The following EYS variants were observed in gnomAD, a reference collection of about 807,000 sequenced individuals.
The protein encoded by EYS is EGF-like photoreceptor maintenance factor, also known as protein eyes shut homolog.
EYS carries 250 observed loss-of-function variants against 282.1 expected under a neutral mutation model. That is an observed-to-expected ratio of 0.89 (90% CI 0.80 to 0.98). The LOEUF is 0.98. Ranked by LOEUF, EYS falls within the 50% of genes least tolerant of loss-of-function variation. The probability of loss-of-function intolerance (pLI) is 0.00; values close to 1 mark genes in which losing one functional copy is unlikely to be tolerated. For missense variants in EYS, 4,016 were observed against 3,709.0 expected, an observed-to-expected ratio of 1.08 and a Z score of -2.15; for synonymous variants, 1,355 against 1,282.9, an observed-to-expected ratio of 1.06 and a Z score of -1.20.
chr6:64,728,294 A>C (rs1168667116), intron 22 of EYS, among the ~76,000 whole-genome samples: 1 of 152,082 alleles, frequency 6.6e-6, no homozygotes, highest in African/African-American at 2.4e-5. Context: ...AATAAATACT[A>C]ATAGCTTTAA....
intron 12 of EYS, among the ~76,000 whole-genome samples, chr6:65,117,268 C>T (rs1387958006): frequency 2.6e-5 from 4 of 152,132 alleles, no homozygotes; most frequent in African/African-American, 9.7e-5. Context: ...GAACTCTTTC[C>T]AACATGATCC....
intron 26 of EYS, among the ~76,000 whole-genome samples, chr6:64,506,269 G>C (rs1156953399): frequency 6.6e-6 from 1 of 152,068 alleles, no homozygotes; most frequent in Non-Finnish European, 1.5e-5. Context: ...CATTATGAAA[G>C]AGACATATAT....
intron 23 of EYS, among the ~76,000 whole-genome samples, chr6:64,619,339 C>T (rs993057768): frequency 1.9e-4 from 29 of 152,116 alleles, no homozygotes; most frequent in African/African-American, 6.8e-4. Flanking sequence ...AGAAAAATTG[C>T]ACTGGGCCAG....
At chr6:65,328,676 A>C (rs1769691673) in intron 11 of EYS, among the ~76,000 whole-genome samples, 1 of 151,112 alleles carries the variant, frequency 6.6e-6, no homozygotes, top group African/African-American at 2.4e-5. Flanking sequence ...ATAGAAAGTA[A>C]AAAGCAGAAG....
intron 13 of EYS, among the ~76,000 whole-genome samples, chr6:65,055,050 T>A (rs959927461): frequency 2.0e-5 from 3 of 152,042 alleles, no homozygotes; most frequent in Non-Finnish European, 4.4e-5. Flanking sequence ...GGCACAATAA[T>A]AATTCACAGA....
At chr6:63,740,952 C>T (rs1037997791) in intron 41 of EYS, among the ~76,000 whole-genome samples, 1 of 152,112 alleles carries the variant, frequency 6.6e-6, no homozygotes. Flanking sequence ...GGGAAAGGTC[C>T]AGGGTTTTCA....
intron 30 of EYS, among the ~76,000 whole-genome samples, chr6:64,275,451 C>CT (rs367970233): frequency 0.58 from 80,996 of 139,874 alleles, 23,698 homozygotes; most frequent in South Asian, 0.64. Context: ...TGTTCTATTT[C>CT]TTTTTTTTTT....
At chr6:64,940,784 G>A (rs1021348198) in intron 15 of EYS, among the ~76,000 whole-genome samples, 1 of 151,832 alleles carries the variant, frequency 6.6e-6, no homozygotes, top group Non-Finnish European at 1.5e-5. Flanking sequence ...GCCTACTGTT[G>A]AACAGTCTGC....
chr6:65,650,841 T>C (rs1247579809), intron 1 of EYS, among the ~76,000 whole-genome samples: 1 of 152,160 alleles, frequency 6.6e-6, no homozygotes, highest in African/African-American at 2.4e-5. Flanking sequence ...TTACAGATCC[T>C]ACATATCTAG....
At chr6:65,115,470 C>T (rs559737013) in intron 12 of EYS, among the ~76,000 whole-genome samples, 4 of 151,836 alleles carry the variant, frequency 2.6e-5, no homozygotes, top group Non-Finnish European at 5.9e-5. Context: ...TTCTGTGTCT[C>T]GGATCAGACT....
At chr6:64,461,166 CT>C (rs1775731407) in intron 26 of EYS, among the ~76,000 whole-genome samples, 1 of 152,138 alleles carries the variant, frequency 6.6e-6, no homozygotes, top group Non-Finnish European at 1.5e-5. Context: ...AGAATAGCTG[CT>C]TGTTGAAAAC....
intron 22 of EYS, among the ~76,000 whole-genome samples, chr6:64,680,891 T>C (rs1247697537): frequency 6.6e-6 from 1 of 152,174 alleles, no homozygotes; most frequent in African/African-American, 2.4e-5. Flanking sequence ...CTAATTTTTA[T>C]TTAAAACGTA....
intron 26 of EYS, among the ~76,000 whole-genome samples, chr6:64,552,834 A>G (rs115474795): frequency 0.053 from 8,017 of 151,026 alleles, 485 homozygotes; most frequent in African/African-American, 0.14. Flanking sequence ...CAGGAACATC[A>G]CTTGAACTGG....
At chr6:64,143,800 G>A (rs1774423436) in intron 31 of EYS, among the ~76,000 whole-genome samples, 2 of 152,138 alleles carry the variant, frequency 1.3e-5, no homozygotes, top group African/African-American at 2.4e-5. Flanking sequence ...GCCAAAATGA[G>A]TTTCTGGTAT....
chr6:64,865,101 G>A (rs1475905193), intron 19 of EYS, among the ~76,000 whole-genome samples: 1 of 152,088 alleles, frequency 6.6e-6, no homozygotes, highest in Non-Finnish European at 1.5e-5. Flanking sequence ...TTCTGTCTTA[G>A]GATATTGGTT....
At chr6:64,868,726 T>G (rs2150052735) in intron 19 of EYS, among the ~76,000 whole-genome samples, 1 of 151,626 alleles carries the variant, frequency 6.6e-6, no homozygotes, top group African/African-American at 2.4e-5. Context: ...TCTAGGAAGA[T>G]TAAACATTTT....
chr6:64,430,233 T>C (rs187991258), intron 28 of EYS, among the ~76,000 whole-genome samples: 2 of 152,336 alleles, frequency 1.3e-5, no homozygotes, highest in African/African-American at 4.8e-5. Context: ...GACTGCTCTG[T>C]GTTTTGAATG....
intron 12 of EYS, among the ~76,000 whole-genome samples, chr6:65,187,111 T>A (rs1225147995): frequency 2.6e-5 from 4 of 151,808 alleles, no homozygotes; most frequent in Non-Finnish European, 5.9e-5. Context: ...TAAAGTGTTA[T>A]TTAAACACAT....
intron 29 of EYS, among the ~76,000 whole-genome samples, chr6:64,382,559 T>G (rs1169613770): frequency 1.3e-5 from 2 of 152,242 alleles, no homozygotes; most frequent in African/African-American, 4.8e-5. Flanking sequence ...TACAGTTTAT[T>G]TCTGCATTTT....
Sources: allele counts gnomAD v4.1 joint callset (sites outside exome capture counted in the v4.1 genomes callset), GRCh38; gene constraint gnomAD v4.1.1; transcripts MANE v1.5; gene names NCBI Gene and HGNC (gene_info 2026-07-23, HGNC 2026-07-21).